NRXN3: variants seen among roughly 807,000 people sequenced by gnomAD.
NRXN3 encodes the protein neurexin III.
A neutral mutation model predicts 137.6 loss-of-function variants in NRXN3; 32 were observed. The ratio of observed to expected loss-of-function variants is 0.23; its 90% CI spans 0.18 to 0.31. The LOEUF is 0.31. Among genes scored for constraint, NRXN3 ranks in the 10% least tolerant of loss-of-function variants. The pLI, the probability that NRXN3 is intolerant of heterozygous loss-of-function variation, is 1.00. For synonymous variants in NRXN3, 798 were observed against 784.5 expected (o/e 1.02, Z -0.29); for missense variants, 1,574 against 2,062.5 (o/e 0.76, Z 4.59).
intron 15 of NRXN3, among the ~76,000 whole-genome samples, chr14:79,043,992 A>C (rs1316572359): frequency 6.6e-6 from 1 of 152,170 alleles, no homozygotes; most frequent in Non-Finnish European, 1.5e-5. Flanking sequence ...GACCCACTAG[A>C]TATTAGTAGC....
intron 4 of NRXN3, among the ~76,000 whole-genome samples, chr14:78,380,125 G>A (rs2088762635): frequency 6.6e-6 from 1 of 152,018 alleles, no homozygotes; most frequent in Admixed American, 6.5e-5. Flanking sequence ...AAATGGAGAA[G>A]CTAACATATC....
At chr14:79,192,725 C>T (rs1420674683) in intron 15 of NRXN3, among the ~76,000 whole-genome samples, 1 of 151,134 alleles carries the variant, frequency 6.6e-6, no homozygotes, top group East Asian at 1.9e-4. Context: ...TTGACACTCT[C>T]AGAGAAGCAA....
chr14:79,293,078 T>C (rs2083461134), intron 15 of NRXN3, among the ~76,000 whole-genome samples: 1 of 152,190 alleles, frequency 6.6e-6, no homozygotes, highest in African/African-American at 2.4e-5. Context: ...TGTTTCTTGT[T>C]TTTTCCATGC....
chr14:78,814,630 A>G (rs943558027), intron 10 of NRXN3, among the ~76,000 whole-genome samples: 1 of 152,146 alleles, frequency 6.6e-6, no homozygotes, highest in Non-Finnish European at 1.5e-5. Flanking sequence ...AAAAACAAAA[A>G]CAAAAGCAAA....
rs575607935 is a variant in NRXN3 at position 78,440,980 on chromosome 14, T to G, written c.757+143120T>G. 1.6e-4 allele frequency among the ~76,000 whole-genome samples: 24 copies of G among 152,304 alleles called. No individual in the cohort carries two copies. In the South Asian group the frequency reaches 4.8e-3, roughly 30 times the overall value. On this transcript the variant is annotated intron_variant, in intron 4 of 20. Transcript: ENST00000335750. Reference sequence around the variant, plus strand: ...GCACAGGGAATGGGCTGGGGTTGCTTTGTTTTCTGCTGCGGCACTCCATCC... The same window carrying G: ...GCACAGGGAATGGGCTGGGGTTGCTGTGTTTTCTGCTGCGGCACTCCATCC...
intron 15 of NRXN3, among the ~76,000 whole-genome samples, chr14:79,380,247 G>A (rs953364103): frequency 7.4e-5 from 11 of 148,656 alleles, no homozygotes; most frequent in African/African-American, 2.7e-4. Flanking sequence ...TGCACAGTGT[G>A]CAGGTTAGTT....
At chr14:79,520,968 G>T (rs1227376783) in intron 16 of NRXN3, among the ~76,000 whole-genome samples, 1 of 152,176 alleles carries the variant, frequency 6.6e-6, no homozygotes, top group Non-Finnish European at 1.5e-5. Flanking sequence ...ACATGCACAT[G>T]TATGTTTATT....
intron 15 of NRXN3, among the ~76,000 whole-genome samples, chr14:79,096,200 C>T (rs910719865): frequency 2.6e-5 from 4 of 151,840 alleles, no homozygotes; most frequent in African/African-American, 7.3e-5. Context: ...CTCTGCCTCC[C>T]GGGTTCAAGC....
intron 17 of NRXN3, among the ~76,000 whole-genome samples, chr14:79,677,578 T>C (rs566958351): frequency 2.0e-5 from 3 of 152,248 alleles, no homozygotes; most frequent in Admixed American, 6.5e-5. Flanking sequence ...CAGGGAGCAA[T>C]TGAGCTCTCC....
intron 4 of NRXN3, among the ~76,000 whole-genome samples, chr14:78,469,679 G>A (rs569674615): frequency 2.6e-4 from 39 of 152,298 alleles, no homozygotes; most frequent in African/African-American, 8.9e-4. Flanking sequence ...ATCAAGTAGA[G>A]ATGGTGGGAA....
At chr14:78,529,146 G>C (rs2096424232) in intron 4 of NRXN3, among the ~76,000 whole-genome samples, 8 of 152,116 alleles carry the variant, frequency 5.3e-5, no homozygotes, top group Admixed American at 5.2e-4. Context: ...GACTAAATGT[G>C]CCAGGGAAAA....
chr14:78,404,105 T>C (rs1474547239), intron 4 of NRXN3, among the ~76,000 whole-genome samples: 1 of 151,928 alleles, frequency 6.6e-6, no homozygotes, highest in African/African-American at 2.4e-5. Context: ...TTTCTCCTAA[T>C]AAATCTCTAA....
At chr14:78,271,488 A>AC (rs896310044) in intron 2 of NRXN3, among the ~76,000 whole-genome samples, 1 of 108,416 alleles carries the variant, frequency 9.2e-6, no homozygotes, top group African/African-American at 3.7e-5. Context: ...AAAAAAAAAA[A>AC]AAACAAAAGG....
In NRXN3 at chr14:79,862,803, G is replaced by A. The variant is rs1603620669; in HGVS notation, c.*839G>A. On this transcript the variant is annotated 3_prime_UTR_variant, in exon 21 of 21. Transcript: ENST00000335750. ...ATTGATTCGAAAAGCTGGTCCCCCAGGATCTAATTTCAGAATTTACCACCC... is the reference window on the plus strand; with the variant it reads ...ATTGATTCGAAAAGCTGGTCCCCCAAGATCTAATTTCAGAATTTACCACCC... 6.6e-6 allele frequency: 1 copy of A among 152,530 alleles called. No individual in the cohort carries two copies. Among genetic ancestry groups the A allele is most frequent in the African/African-American group, 2.4e-5 (1 of 41,410 alleles). The allele number at this position is 152,530 out of a possible 1,614,324, so 9.4% of individuals were successfully genotyped here. A position where few individuals can be genotyped will look rare whatever the true frequency, so the allele number is the denominator to read the frequency against.
intron 2 of NRXN3, among the ~76,000 whole-genome samples, chr14:78,244,552 C>T (rs972646923): frequency 4.6e-5 from 7 of 152,170 alleles, no homozygotes; most frequent in Non-Finnish European, 8.8e-5. Flanking sequence ...TTAATCATCC[C>T]TCACATAAAG....
intron 3 of NRXN3, chr14:78,282,312 G>C: frequency 2.6e-6 from 1 of 387,194 alleles, no homozygotes; most frequent in Non-Finnish European, 5.3e-6. Context: ...AGAGGGAAGA[G>C]TAGTGGGTTA....
At chr14:79,358,609 GAAAGAA>G (rs2093543677) in intron 15 of NRXN3, among the ~76,000 whole-genome samples, 5 of 53,356 alleles carry the variant, frequency 9.4e-5, no homozygotes, top group African/African-American at 3.0e-4. Flanking sequence ...GAAAGAAAGA[GAAAGAA>G]AGAAAGAAAG....
intron 8 of NRXN3, among the ~76,000 whole-genome samples, chr14:78,794,131 A>G (rs1378341942): frequency 6.6e-6 from 1 of 152,212 alleles, no homozygotes; most frequent in Non-Finnish European, 1.5e-5. Context: ...CCGTAATCAC[A>G]ACACTTTGGG....
intron 2 of NRXN3, among the ~76,000 whole-genome samples, chr14:78,248,189 A>T (rs2067975855): frequency 6.6e-6 from 1 of 151,586 alleles, no homozygotes; most frequent in Admixed American, 6.6e-5. Context: ...TTATGTTTTC[A>T]AGTGTTGGAA....
Sources: gnomAD v4.1 joint callset for allele counts (sites outside exome capture counted in the v4.1 genomes callset) on GRCh38, gnomAD v4.1.1 for gene constraint, MANE v1.5 for transcripts, NCBI Gene and HGNC (gene_info 2026-07-23, HGNC 2026-07-21) for gene names.